RHD: variants seen among roughly 807,000 people sequenced by gnomAD.
RHD encodes the protein Rh blood group D antigen.
A neutral mutation model predicts 45.5 loss-of-function variants in RHD; 16 were observed. The observed-to-expected ratio is 0.35, with a 90% CI of 0.24 to 0.53. The LOEUF (loss-of-function observed/expected upper bound fraction) is 0.53, where lower values mean the gene tolerates loss of function less well. Ranked by LOEUF, RHD falls within the 20% of genes least tolerant of loss-of-function variation. RHD has a pLI of 0.92. For missense variants in RHD, 306 were observed against 532.0 expected (o/e 0.58, Z 4.18); for synonymous variants, 131 against 217.5 (o/e 0.60, Z 3.50).
At position 25,278,145 on chromosome 1, in the gene RHD, G is replaced by C. The variant is rs185754514; in HGVS notation, c.148+5450G>C. Among the ~76,000 whole-genome samples the C allele has an allele frequency of 2.9e-3, 377 of 129,880 alleles. 47 individuals are homozygous for C. The highest frequency in any genetic ancestry group is 8.5e-3 in the African/African-American group (324 of 38,160). The allele number at this position is 129,880 out of a possible 152,430, so 85.2% of individuals were successfully genotyped here. On this transcript the variant is annotated intron_variant, in intron 1 of 9. Transcript: ENST00000328664. ...TGAGACCAGATGGGCAGGGGCAGTG[G>C]AGGAGATTCTAGAGATATTTAGGAG...
chr1:25,311,099 T>C lies in RHD; in HGVS notation c.1073+4370T>C, dbSNP rs1253123998. Reference sequence around the variant, plus strand: ...AACTTCTTAATGGTTACTGAAGTCGTTGAGATCAGAGTGCTGATAGAAATA... The same window carrying C: ...AACTTCTTAATGGTTACTGAAGTCGCTGAGATCAGAGTGCTGATAGAAATA... On this transcript the variant is annotated intron_variant, in intron 7 of 9. Coordinates refer to ENST00000328664, the MANE Select transcript of RHD (RefSeq NM_016124.6). Among the ~76,000 whole-genome samples the C allele has an allele frequency of 3.0e-5, 4 of 132,448 alleles. 1 individual carries two copies. The allele number at this position is 132,448 out of a possible 152,430, so 86.9% of individuals were successfully genotyped here. A position where few individuals can be genotyped will look rare whatever the true frequency, so the allele number is the denominator to read the frequency against.
In RHD at chr1:25,329,272, T is replaced by C; in HGVS notation, c.*348T>C. The C allele has an allele frequency of 2.0e-6, 1 of 505,824 alleles. No homozygotes were observed. Among genetic ancestry groups the C allele is most frequent in the Non-Finnish European group, 3.4e-6 (1 of 293,280 alleles). 31.3% of individuals were successfully genotyped at this position (505,824 alleles called of 1,614,324 possible). On this transcript the variant is annotated 3_prime_UTR_variant, in exon 10 of 10. Transcript: ENST00000328664. The stretch of plus-strand genomic sequence containing the variant: ...TTTTTTTTTTTTTTTTGAGATGTAG[T>C]CTTACTCTGTCACCCAGGCTAGAGT...
At chr1:25,306,487 T>G in intron 6 of RHD, 109 bp from the exon 7 acceptor site, 1 of 1,050,132 alleles carries the variant, frequency 9.5e-7, no homozygotes. Flanking sequence ...AGGTGAGCCT[T>G]AGTGCCCATC....
rs113128294 is a variant in RHD at position 25,316,209 on chromosome 1, G to C, written c.1074-791G>C. 2.0e-4 allele frequency among the ~76,000 whole-genome samples: 26 copies of C among 130,494 alleles called. 2 individuals carry two copies. Among genetic ancestry groups the C allele is most frequent in the South Asian group, 1.2e-3 (5 of 4,274 alleles). 85.6% of individuals were successfully genotyped at this position (130,494 alleles called of 152,430 possible). On this transcript the variant is annotated intron_variant, in intron 7 of 9. Coordinates refer to ENST00000328664, the MANE Select transcript of RHD (RefSeq NM_016124.6). ...GGGGTTGCCTTGAAGGAGAGAGGTC[G>C]TGGAAGTATGTTCAAGGGGTAGGGA... is the stretch of plus-strand genomic sequence containing the variant.
intron 6 of RHD, among the ~76,000 whole-genome samples, chr1:25,305,519 C>G (rs1315396479): frequency 7.7e-6 from 1 of 129,180 alleles, no homozygotes; most frequent in African/African-American, 2.7e-5. Context: ...ACCTCAGCCT[C>G]CTGAGTAGCT....
intron 3 of RHD, among the ~76,000 whole-genome samples, chr1:25,299,675 C>G (rs138535397): frequency 2.9e-5 from 3 of 103,466 alleles, no homozygotes; most frequent in Non-Finnish European, 7.0e-5. Flanking sequence ...TGGCAAGAAC[C>G]TGGACCTTGA....
At chr1:25,292,105 G>A (rs1330249065) in intron 3 of RHD, among the ~76,000 whole-genome samples, 2 of 132,220 alleles carry the variant, frequency 1.5e-5, no homozygotes, top group East Asian at 3.9e-4. Context: ...TAATATGAGG[G>A]TAGCAGTACT....
At chr1:25,298,758 G>A (rs377126779) in intron 3 of RHD, among the ~76,000 whole-genome samples, 3 of 131,054 alleles carry the variant, frequency 2.3e-5, no homozygotes, top group Admixed American at 1.5e-4. Context: ...CTCATGGAAC[G>A]TCTGTTCCAG....
intron 1 of RHD, among the ~76,000 whole-genome samples, chr1:25,282,971 TAG>T (rs1479654886): frequency 7.6e-6 from 1 of 132,046 alleles, no homozygotes; most frequent in Non-Finnish European, 1.8e-5. Context: ...CTCCCAAACT[TAG>T]AGACAATATT....
In RHD at chr1:25,293,634, T is replaced by C. The variant is rs1005938624; in HGVS notation, c.486+2843T>C. Among the ~76,000 whole-genome samples, 18 of 131,752 alleles carry C rather than the reference T, an allele frequency of 1.4e-4. 5 individuals are homozygous for C. The South Asian group carries it at 2.6e-3, about 19-fold the overall frequency. 86.4% of individuals were successfully genotyped at this position (131,752 alleles called of 152,430 possible). On this transcript the variant is annotated intron_variant, in intron 3 of 9. Coordinates refer to ENST00000328664, the MANE Select transcript of RHD (RefSeq NM_016124.6). The stretch of plus-strand genomic sequence containing the variant: ...TCCTAGGATTTAGAAATTTATAATA[T>C]GAGATAGCAGCATTTCCTAATTTTA...
intron 9 of RHD, among the ~76,000 whole-genome samples, chr1:25,322,454 C>A (rs1290197490): frequency 7.5e-6 from 1 of 132,880 alleles, no homozygotes; most frequent in Non-Finnish European, 1.8e-5. Context: ...GGGGCGATCA[C>A]CTGAGGCCAG....
rs34867414 is a variant in RHD at position 25,299,072 on chromosome 1, T to TAAA, written c.487-1851_487-1849dup. On this transcript the variant is annotated intron_variant, in intron 3 of 9. Transcript: ENST00000328664. ...GTTTAGAATTGTCAGCACATGGTGATAAAAAAAAAAAAAAAAAAAAAAAAA... is the reference window on the plus strand; with the variant it reads ...GTTTAGAATTGTCAGCACATGGTGATAAAAAAAAAAAAAAAAAAAAAAAAAAAA... 4.3e-3 allele frequency among the ~76,000 whole-genome samples: 176 copies of TAAA among 40,724 alleles called. 12 individuals are homozygous for TAAA. The highest frequency in any genetic ancestry group is 7.7e-3 in the African/African-American group (98 of 12,804). The allele number at this position is 40,724 out of a possible 152,430, so 26.7% of individuals were successfully genotyped here.
In RHD at chr1:25,289,135, A is replaced by T. The variant is rs568612574; in HGVS notation, c.336-1506A>T. Among the ~76,000 whole-genome samples the T allele has an allele frequency of 1.1e-4, 14 of 131,750 alleles. 5 individuals carry two copies. Among genetic ancestry groups the T allele is most frequent in the Non-Finnish European group, 2.5e-4 (14 of 55,622 alleles). The allele number at this position is 131,750 out of a possible 152,430, so 86.4% of individuals were successfully genotyped here. ...TCCAAAAAGTCCATTTTAATCCTCT[A>T]CGTGACCCTCTGTAAAATGGGATAC... On this transcript the variant is annotated intron_variant, in intron 2 of 9. Transcript: ENST00000328664.
chr1:25,273,264 A>G (rs1391215983), intron 1 of RHD, among the ~76,000 whole-genome samples: 1 of 125,382 alleles, frequency 8.0e-6, no homozygotes, highest in African/African-American at 2.7e-5. Flanking sequence ...GCCTCCCAAG[A>G]AGCTGGGACC....
rs1467274974 is a variant in RHD, at chr1:25,313,078, TC to T, written c.1074-3921del. On this transcript the variant is annotated intron_variant, in intron 7 of 9. Coordinates refer to ENST00000328664, the MANE Select transcript of RHD (RefSeq NM_016124.6). Reference sequence around the variant, plus strand: ...TGTGTTGGAAACTTAATCTCCAAATTCATATGTTGATGAAATTGGAGGTGAA... The same window carrying T: ...TGTGTTGGAAACTTAATCTCCAAATTATATGTTGATGAAATTGGAGGTGAA... 4.7e-5 allele frequency among the ~76,000 whole-genome samples: 6 copies of T among 128,348 alleles called. 2 individuals carry two copies. The allele number at this position is 128,348 out of a possible 152,430, so 84.2% of individuals were successfully genotyped here.
rs1640603386 is a variant in RHD at position 25,272,785 on chromosome 1, C to T, written c.148+90C>T. 3 of 1,318,844 alleles carry T rather than the reference C, an allele frequency of 2.3e-6. 1 individual carries two copies. The highest frequency in any genetic ancestry group is 2.1e-6 in the Non-Finnish European group (2 of 930,604). 81.7% of individuals were successfully genotyped at this position (1,318,844 alleles called of 1,614,324 possible). On this transcript the variant is annotated intron_variant, in intron 1 of 9. Coordinates refer to ENST00000328664, the MANE Select transcript of RHD (RefSeq NM_016124.6). ...TGGTTCTCCAGGGGCACAGATGTTC[C>T]TTTCTACAAAATCCCAAGGAAAAAG... is the stretch of plus-strand genomic sequence containing the variant.
chr1:25,301,094 G>T lies in RHD; in HGVS notation c.634+1G>T, dbSNP rs751341830. 1.2e-5 allele frequency: 17 copies of T among 1,375,866 alleles called. 4 individuals are homozygous for T. Among genetic ancestry groups the T allele is most frequent in the Admixed American group, 3.6e-5 (2 of 56,026 alleles). 85.2% of individuals were successfully genotyped at this position (1,375,866 alleles called of 1,614,324 possible). A position where few individuals can be genotyped will look rare whatever the true frequency, so the allele number is the denominator to read the frequency against. Reference sequence around the variant, plus strand: ...ATACCCAGTTTGTCTGCCATGCTGGGTAAGGACAAGGTGGGGTGAGTGGTC... The same window carrying T: ...ATACCCAGTTTGTCTGCCATGCTGGTTAAGGACAAGGTGGGGTGAGTGGTC... On this transcript the variant is annotated splice_donor_variant, in intron 4 of 9. Coordinates refer to ENST00000328664, the MANE Select transcript of RHD (RefSeq NM_016124.6). LOFTEE classifies it high-confidence loss of function.
In RHD at chr1:25,329,331, A is replaced by G. The variant is rs181063822; in HGVS notation, c.*407A>G. 232 of 365,190 alleles carry G rather than the reference A, an allele frequency of 6.4e-4. 29 individuals are homozygous for G. Among genetic ancestry groups the G allele is most frequent in the African/African-American group, 4.4e-3 (172 of 38,766 alleles). 22.6% of individuals were successfully genotyped at this position (365,190 alleles called of 1,614,324 possible). A position where few individuals can be genotyped will look rare whatever the true frequency, so the allele number is the denominator to read the frequency against. Reference sequence around the variant, plus strand: ...ACCATCTTGGCTCACTGCAACCTCTACCTCCTGGGTTCAAGCAAATCTCCT... The same window carrying G: ...ACCATCTTGGCTCACTGCAACCTCTGCCTCCTGGGTTCAAGCAAATCTCCT... On this transcript the variant is annotated 3_prime_UTR_variant, in exon 10 of 10. Transcript: ENST00000328664.
At chr1:25,274,917 C>T (rs1640817051) in intron 1 of RHD, among the ~76,000 whole-genome samples, 2 of 131,526 alleles carry the variant, frequency 1.5e-5, no homozygotes, top group Admixed American at 1.5e-4. Context: ...CATTACACTC[C>T]AGCCTGGGCG....
Sources: allele counts gnomAD v4.1 joint callset (sites outside exome capture counted in the v4.1 genomes callset), GRCh38; gene constraint gnomAD v4.1.1; transcripts MANE v1.5; gene names NCBI Gene and HGNC (gene_info 2026-07-23, HGNC 2026-07-21).